Variants in BRD7 observed in about 807,000 individuals in gnomAD.
The protein encoded by BRD7 is bromodomain-containing protein 7.
In BRD7, 15 loss-of-function variants were observed where a neutral mutation model predicts 82.1. The observed-to-expected ratio is 0.18, with a 90% CI of 0.12 to 0.28. The LOEUF (loss-of-function observed/expected upper bound fraction) is 0.28. Ranked by LOEUF, BRD7 falls within the 10% of genes least tolerant of loss-of-function variation. The pLI, the probability that BRD7 is intolerant of heterozygous loss-of-function variation, is 1.00. For missense variants in BRD7, 638 were observed against 779.9 expected, an observed-to-expected ratio of 0.82 and a Z score of 2.17; for synonymous variants, 232 against 266.9, an observed-to-expected ratio of 0.87 and a Z score of 1.27.
At chr16:50,360,409 A>G (rs1481453969) in intron 2 of BRD7, among the ~76,000 whole-genome samples, 1 of 152,182 alleles carries the variant, frequency 6.6e-6, no homozygotes, top group East Asian at 1.9e-4. Flanking sequence ...TTCCCTTTTA[A>G]CAGCTGATTT....
chr16:50,366,240 T>G (rs1020118430), intron 2 of BRD7, among the ~76,000 whole-genome samples: 1 of 152,032 alleles, frequency 6.6e-6, no homozygotes, highest in African/African-American at 2.4e-5. Context: ...GTTCCTAGAG[T>G]TAAGAGTCCA....
At chr16:50,334,438 A>AT (rs748995964) in intron 7 of BRD7, among the ~76,000 whole-genome samples, 6 of 152,220 alleles carry the variant, frequency 3.9e-5, no homozygotes, top group Non-Finnish European at 8.8e-5. Flanking sequence ...CTCACTGACC[A>AT]TATCAGTCCC....
At position 50,368,944 on chromosome 16, in the gene BRD7, G is replaced by A. The variant is rs1037997039; in HGVS notation, c.-170C>T. ...GCGCGATGCCCCTCTCGAGAAGACG[G>A]CGCGCGAGACCCGGCCGGAGCCCGA... On this transcript the variant is annotated 5_prime_UTR_variant, in exon 1 of 17. Coordinates refer to ENST00000394688, the MANE Select transcript of BRD7 (RefSeq NM_013263.5). The A allele has an allele frequency of 1.6e-4, 30 of 192,882 alleles. No homozygotes were observed. The highest frequency in any genetic ancestry group is 6.7e-4 in the African/African-American group (28 of 41,544). The allele number at this position is 192,882 out of a possible 1,614,324, so 11.9% of individuals were successfully genotyped here.
chr16:50,334,691 A>G lies in BRD7; in HGVS notation c.887+20T>C. 6.2e-7 allele frequency: 1 copy of G among 1,610,692 alleles called. No homozygotes were observed. The highest frequency in any genetic ancestry group is 8.5e-7 in the Non-Finnish European group (1 of 1,178,430). On this transcript the variant is annotated intron_variant, in intron 7 of 16. Coordinates refer to ENST00000394688, the MANE Select transcript of BRD7 (RefSeq NM_013263.5). Reference sequence around the variant, plus strand: ...GCTTGAAGAAGACAGTTTGACCTTAACATCCCAAAGATCTTTTACTTTTTA... The same window carrying G: ...GCTTGAAGAAGACAGTTTGACCTTAGCATCCCAAAGATCTTTTACTTTTTA...
intron 8 of BRD7, among the ~76,000 whole-genome samples, chr16:50,331,842 T>C (rs1054726967): frequency 6.6e-6 from 1 of 152,110 alleles, no homozygotes; most frequent in African/African-American, 2.4e-5. Context: ...TAAAGCCACA[T>C]ACATACAACC....
intron 1 of BRD7, 132 bp from the exon 2 acceptor site, chr16:50,368,430 T>A: frequency 9.9e-7 from 1 of 1,008,262 alleles, no homozygotes; most frequent in Non-Finnish European, 1.4e-6. Context: ...AAGCACCTGT[T>A]GAATGACGGA....
At chr16:50,325,368 G>A (rs1178066295) in intron 11 of BRD7, among the ~76,000 whole-genome samples, 5 of 152,068 alleles carry the variant, frequency 3.3e-5, no homozygotes, top group African/African-American at 1.2e-4. Context: ...CCTTTCTTGG[G>A]GAAAATGCAC....
chr16:50,346,582 GA>G (rs2038292819), intron 5 of BRD7, among the ~76,000 whole-genome samples: 1 of 152,108 alleles, frequency 6.6e-6, no homozygotes, highest in South Asian at 2.1e-4. Context: ...TGATAAAGGG[GA>G]TATCGCCACT....
chr16:50,363,641 T>TTGTGTGTGTGTG (rs374792308), intron 2 of BRD7, among the ~76,000 whole-genome samples: 118 of 149,172 alleles, frequency 7.9e-4, no homozygotes, highest in Non-Finnish European at 9.0e-4. Context: ...CGTTGTGTGT[T>TTGTGTGTGTGTG]TGTGTGTGTG....
chr16:50,366,490 T>C (rs2039147793), intron 2 of BRD7, among the ~76,000 whole-genome samples: 1 of 152,222 alleles, frequency 6.6e-6, no homozygotes, highest in African/African-American at 2.4e-5. Context: ...ATGATCTAAC[T>C]AGTTAAGATC....
intron 16 of BRD7, 27 bp downstream of exon 16, chr16:50,319,860 C>A: frequency 6.2e-7 from 1 of 1,605,274 alleles, no homozygotes; most frequent in African/African-American, 1.3e-5. Context: ...TAGCTTTCTG[C>A]TTTCCCAGAG....
chr16:50,355,199 C>G (rs2038684052), intron 2 of BRD7, among the ~76,000 whole-genome samples: 1 of 152,034 alleles, frequency 6.6e-6, no homozygotes, highest in African/African-American at 2.4e-5. Context: ...ATAAAAGATA[C>G]CCAAAACCTT....
intron 5 of BRD7, chr16:50,349,347 T>C (rs12149231): frequency 0.41 from 132,327 of 323,258 alleles, 29,884 homozygotes; most frequent in Non-Finnish European, 0.49. Context: ...AATATATATG[T>C]AACCAACCTG....
chr16:50,359,251 C>T, intron 2 of BRD7, among the ~76,000 whole-genome samples: 1 of 152,170 alleles, frequency 6.6e-6, no homozygotes, highest in East Asian at 1.9e-4. Context: ...CTGGCCTCGT[C>T]ACTAGTAGGT....
intron 12 of BRD7, among the ~76,000 whole-genome samples, chr16:50,322,505 G>A (rs2037162455): frequency 6.6e-6 from 1 of 152,186 alleles, no homozygotes; most frequent in Non-Finnish European, 1.5e-5. Flanking sequence ...CCAGGAACAA[G>A]AGACAAATAT....
intron 2 of BRD7, among the ~76,000 whole-genome samples, chr16:50,360,527 T>C (rs563705109): frequency 5.9e-4 from 90 of 152,298 alleles, no homozygotes; most frequent in African/African-American, 1.9e-3. Context: ...CTATGATGCT[T>C]TCCCCTAGCT....
At chr16:50,357,884 G>C (rs570227796) in intron 2 of BRD7, among the ~76,000 whole-genome samples, 1 of 152,322 alleles carries the variant, frequency 6.6e-6, no homozygotes, top group East Asian at 1.9e-4. Flanking sequence ...GGGAGGCTGA[G>C]GCAGGAGAAT....
At chr16:50,319,799 A>G (rs7196135) in intron 16 of BRD7, 88 bp downstream of exon 16, 317,278 of 1,499,028 alleles carry the variant, frequency 0.21, 36,434 homozygotes, top group East Asian at 0.35. Context: ...ACCAAATCCG[A>G]GGTCCTGATA....
At chr16:50,362,427 T>A (rs1180602577) in intron 2 of BRD7, among the ~76,000 whole-genome samples, 1 of 152,200 alleles carries the variant, frequency 6.6e-6, no homozygotes, top group African/African-American at 2.4e-5. Flanking sequence ...GATAGTATGA[T>A]CCAGTAATTC....
Sources: allele counts gnomAD v4.1 joint callset (sites outside exome capture counted in the v4.1 genomes callset), GRCh38; gene constraint gnomAD v4.1.1; transcripts MANE v1.5; gene names NCBI Gene and HGNC (gene_info 2026-07-23, HGNC 2026-07-21).